The following DTNB variants were observed in gnomAD, a reference collection of about 807,000 sequenced individuals.
DTNB encodes DTN-B.
Under a neutral mutation model 90.7 loss-of-function variants are expected in DTNB, and 63 were observed. The observed-to-expected ratio is 0.69, with a 90% CI of 0.57 to 0.86. The LOEUF is 0.86. Ranked by LOEUF, DTNB falls within the 40% of genes least tolerant of loss-of-function variation. DTNB has a pLI of 0.00. For missense variants in DTNB, 744 were observed against 807.1 expected (o/e 0.92, Z 0.95); for synonymous variants, 277 against 286.7 (o/e 0.97, Z 0.34).
intron 3 of DTNB, among the ~76,000 whole-genome samples, chr2:25,635,118 T>C (rs1559333002): frequency 6.7e-6 from 1 of 149,710 alleles, no homozygotes; most frequent in Non-Finnish European, 1.5e-5. Flanking sequence ...TAGTATCATG[T>C]CACTGAAGAC....
intron 16 of DTNB, among the ~76,000 whole-genome samples, chr2:25,409,392 G>C (rs753143792): frequency 3.9e-5 from 6 of 152,270 alleles, no homozygotes; most frequent in Middle Eastern, 3.4e-3. Context: ...TTACTGATGA[G>C]GAAAATGAGG....
At chr2:25,419,451 T>C (rs773284078) in intron 16 of DTNB, 64 bp downstream of exon 16, 10 of 1,551,384 alleles carry the variant, frequency 6.4e-6, no homozygotes, top group Middle Eastern at 1.7e-4. Context: ...GAAACATTTA[T>C]ATGAGGAAAG....
intron 19 of DTNB, 55 bp from the exon 20 acceptor site, chr2:25,379,378 G>A: frequency 3.8e-6 from 5 of 1,302,992 alleles, no homozygotes; most frequent in Non-Finnish European, 4.9e-6. Context: ...GTCTTCTCAT[G>A]CCCCAGACTA....
At chr2:25,578,377 C>T (rs1366604169) in intron 7 of DTNB, among the ~76,000 whole-genome samples, 1 of 152,154 alleles carries the variant, frequency 6.6e-6, no homozygotes, top group Non-Finnish European at 1.5e-5. Flanking sequence ...TAGTATAGTT[C>T]CTCCAGAGAA....
intron 1 of DTNB, among the ~76,000 whole-genome samples, chr2:25,659,572 C>G (rs1412607202): frequency 6.6e-6 from 1 of 152,102 alleles, no homozygotes; most frequent in African/African-American, 2.4e-5. Context: ...GAAGTTATCA[C>G]TACAGAACAC....
intron 7 of DTNB, among the ~76,000 whole-genome samples, chr2:25,578,911 C>T (rs2061138934): frequency 6.6e-6 from 1 of 151,938 alleles, no homozygotes; most frequent in East Asian, 1.9e-4. Flanking sequence ...ATTTGTTTCT[C>T]ACCATTAAAA....
chr2:25,431,361 G>A (rs538483491), intron 14 of DTNB, among the ~76,000 whole-genome samples: 14 of 152,140 alleles, frequency 9.2e-5, no homozygotes, highest in Non-Finnish European at 1.8e-4. Context: ...CTGTATTCAT[G>A]TTGAATCCAT....
rs111237778 is a variant in DTNB at position 25,398,151 on chromosome 2, G to C, written c.1576-9790C>G. ...GGGATGAGACAAGAGGGGTAGGCAG[G>C]GTGGCCAGCCACATGTGTCTAAAGC... On this transcript the variant is annotated intron_variant, in intron 16 of 20. Transcript: ENST00000406818. 6.1e-3 allele frequency among the ~76,000 whole-genome samples: 936 copies of C among 152,294 alleles called. 10 individuals carry two copies. The highest frequency in any genetic ancestry group is 0.021 in the African/African-American group (890 of 41,546).
chr2:25,588,754 C>T (rs2062942184), intron 6 of DTNB, among the ~76,000 whole-genome samples: 2 of 152,154 alleles, frequency 1.3e-5, no homozygotes, highest in African/African-American at 4.8e-5. Context: ...TGATCAAGTT[C>T]ACACATGTGC....
intron 16 of DTNB, among the ~76,000 whole-genome samples, chr2:25,390,323 G>A (rs2040742064): frequency 6.6e-6 from 1 of 152,088 alleles, no homozygotes; most frequent in Non-Finnish European, 1.5e-5. Flanking sequence ...GTAACTATAA[G>A]GGCTAAAACT....
intron 16 of DTNB, among the ~76,000 whole-genome samples, chr2:25,415,487 A>C (rs899561659): frequency 4.6e-5 from 7 of 152,054 alleles, no homozygotes; most frequent in Admixed American, 2.0e-4. Context: ...AACCCGTGGA[A>C]TCTCCAGAGT....
At chr2:25,554,476 T>C (rs187086027) in intron 8 of DTNB, among the ~76,000 whole-genome samples, 7 of 151,372 alleles carry the variant, frequency 4.6e-5, no homozygotes, top group Admixed American at 1.3e-4. Context: ...CTGGTAGGAG[T>C]GTAAAATAGT....
intron 8 of DTNB, among the ~76,000 whole-genome samples, chr2:25,538,833 GA>G (rs2080466573): frequency 6.6e-6 from 1 of 152,110 alleles, no homozygotes; most frequent in South Asian, 2.1e-4. Flanking sequence ...TAGTCACTCT[GA>G]AGACTCCTTA....
In DTNB at chr2:25,424,669, C is replaced by A. The variant is rs2050915059; in HGVS notation, c.1554+2866G>T. On this transcript the variant is annotated intron_variant, in intron 15 of 20. Transcript: ENST00000406818. The surrounding 1 kb of genome is among the most constrained non-coding windows in gnomAD (Gnocchi z 4.1). ...CACAGGGAAGAGGTGAGTGGATCCCCTATTTTTTTTTTTTTTGAGACTGAG... is the reference window on the plus strand; with the variant it reads ...CACAGGGAAGAGGTGAGTGGATCCCATATTTTTTTTTTTTTTGAGACTGAG... Among the ~76,000 whole-genome samples the A allele has an allele frequency of 6.6e-6, 1 of 150,754 alleles. No individual in the cohort carries two copies. Among genetic ancestry groups the A allele is most frequent in the Non-Finnish European group, 1.5e-5 (1 of 67,866 alleles).
intron 8 of DTNB, among the ~76,000 whole-genome samples, chr2:25,573,614 T>G (rs1209099140): frequency 6.6e-6 from 1 of 152,202 alleles, no homozygotes; most frequent in Non-Finnish European, 1.5e-5. Context: ...CCATTAACAG[T>G]CTCACATTCT....
chr2:25,571,183 T>C (rs1180190009), intron 8 of DTNB, among the ~76,000 whole-genome samples: 1 of 152,214 alleles, frequency 6.6e-6, no homozygotes, highest in Non-Finnish European at 1.5e-5. Context: ...ATACAACATA[T>C]TGTAATTCAA....
At position 25,614,728 on chromosome 2, in the gene DTNB, G is replaced by A. The variant is rs1052420964; in HGVS notation, c.363-7407C>T. On this transcript the variant is annotated intron_variant, in intron 4 of 20. Coordinates refer to ENST00000406818, the MANE Select transcript of DTNB (RefSeq NM_021907.5). ...TCTAAACTGCTCAGAATCCCGTTGC[G>A]ATTCAATGCAATCCTCTAAGGAGAT... Among the ~76,000 whole-genome samples the A allele has an allele frequency of 4.6e-5, 7 of 152,144 alleles. No homozygotes were observed. In the South Asian group the frequency reaches 1.2e-3, roughly 27 times the overall value.
chr2:25,636,223 A>C (rs547047903), intron 3 of DTNB, among the ~76,000 whole-genome samples: 211 of 152,320 alleles, frequency 1.4e-3, no homozygotes, highest in Admixed American at 2.0e-3. Context: ...CATTGAAGAA[A>C]ATTGTTTATT....
At chr2:25,419,213 A>C (rs2149793262) in intron 16 of DTNB, 1 of 514,686 alleles carries the variant, frequency 1.9e-6, no homozygotes, top group Non-Finnish European at 3.5e-6. Flanking sequence ...CAGACACACA[A>C]CAACAGAGAA....
Sources: allele counts gnomAD v4.1 joint callset (sites outside exome capture counted in the v4.1 genomes callset), GRCh38; gene constraint gnomAD v4.1.1; non-coding constraint Gnocchi (gnomAD v3.1); transcripts MANE v1.5; gene names NCBI Gene and HGNC (gene_info 2026-07-23, HGNC 2026-07-21).